ADCY9: variants seen among roughly 807,000 people sequenced by gnomAD.
ADCY9 encodes the protein adenylate cyclase type 9.
A neutral mutation model predicts 101.5 loss-of-function variants in ADCY9; 50 were observed. The ratio of observed to expected loss-of-function variants is 0.49; its 90% CI spans 0.39 to 0.62. The LOEUF (loss-of-function observed/expected upper bound fraction) is 0.62, where lower values mean the gene tolerates loss of function less well. Ranked by LOEUF, ADCY9 falls within the 20% of genes least tolerant of loss-of-function variation. The pLI is 0.00. For synonymous variants in ADCY9, 905 were observed against 769.3 expected (o/e 1.18, Z -2.92); for missense variants, 1,662 against 1,800.4 (o/e 0.92, Z 1.39).
In ADCY9 at chr16:4,015,094, T is replaced by C. The variant is rs184939206; in HGVS notation, c.1694-7536A>G. On this transcript the variant is annotated intron_variant, in intron 2 of 10. Transcript: ENST00000294016. ...AGCTGGGACTACAGGCACCCACCAC[T>C]ATGCCTGGCTAATTTTTTTTGTATT... 3.6e-3 allele frequency among the ~76,000 whole-genome samples: 540 copies of C among 151,740 alleles called. 3 individuals carry two copies. The highest frequency in any genetic ancestry group is 0.011 in the African/African-American group (472 of 41,378).
chr16:3,997,104 A>G (rs2056293180), intron 3 of ADCY9, among the ~76,000 whole-genome samples: 1 of 152,138 alleles, frequency 6.6e-6, no homozygotes, highest in Non-Finnish European at 1.5e-5. Flanking sequence ...GCCTCAAGTG[A>G]TCTGCCTGCC....
At position 4,005,802 on chromosome 16, in the gene ADCY9, T is replaced by C. The variant is rs552197116; in HGVS notation, c.1884+1566A>G. On this transcript the variant is annotated intron_variant, in intron 3 of 10. Transcript: ENST00000294016. ...AAAATGGCAAACACAACGAATTATA[T>C]ATTTTTGGCTCGGGGCTGTCTTTCA... Among the ~76,000 whole-genome samples the C allele has an allele frequency of 2.0e-5, 3 of 152,234 alleles. No homozygotes were observed. In the South Asian group the frequency reaches 6.2e-4, roughly 32 times the overall value.
intron 2 of ADCY9, among the ~76,000 whole-genome samples, chr16:4,039,875 C>T (rs894419779): frequency 3.3e-5 from 5 of 151,918 alleles, no homozygotes; most frequent in African/African-American, 9.7e-5. Flanking sequence ...CCCATCTCTA[C>T]GAAAAATGCA....
chr16:4,044,225 T>C (rs1311251260), intron 2 of ADCY9, among the ~76,000 whole-genome samples: 1 of 151,980 alleles, frequency 6.6e-6, no homozygotes, highest in Non-Finnish European at 1.5e-5. Flanking sequence ...TGTGTGCCTG[T>C]AATCCCAGCT....
chr16:4,065,703 G>A (rs1597204377), intron 2 of ADCY9, among the ~76,000 whole-genome samples: 1 of 152,188 alleles, frequency 6.6e-6, no homozygotes, highest in South Asian at 2.1e-4. Flanking sequence ...CGAACAGCTG[G>A]GATTACAGGC....
At chr16:4,094,140 A>C (rs2056989145) in intron 2 of ADCY9, among the ~76,000 whole-genome samples, 1 of 151,930 alleles carries the variant, frequency 6.6e-6, no homozygotes, top group African/African-American at 2.4e-5. Context: ...GTTCACTATG[A>C]AATGTGTGTT....
chr16:4,031,953 C>T (rs1301261133), intron 2 of ADCY9: 1 of 151,892 alleles, frequency 6.6e-6, no homozygotes, highest in African/African-American at 2.4e-5. Flanking sequence ...AAAAAACAGA[C>T]AAGCCAAACA....
intron 2 of ADCY9, among the ~76,000 whole-genome samples, chr16:4,050,570 C>T (rs896936076): frequency 6.6e-6 from 1 of 151,718 alleles, no homozygotes; most frequent in Non-Finnish European, 1.5e-5. Flanking sequence ...CAAAATTAGC[C>T]GGACGTGGTG....
At chr16:3,973,495 A>G (rs977725212) in intron 10 of ADCY9, among the ~76,000 whole-genome samples, 4 of 148,168 alleles carry the variant, frequency 2.7e-5, no homozygotes, top group African/African-American at 1.0e-4. Context: ...GCATGAGCCA[A>G]CGTGCCTGGC....
chr16:4,067,281 G>A (rs1005058457), intron 2 of ADCY9, among the ~76,000 whole-genome samples: 1 of 152,090 alleles, frequency 6.6e-6, no homozygotes, highest in Non-Finnish European at 1.5e-5. Flanking sequence ...TCTTAAAATC[G>A]TTAAACAGAT....
chr16:4,103,056 G>A (rs1286972921), intron 2 of ADCY9, among the ~76,000 whole-genome samples: 1 of 152,196 alleles, frequency 6.6e-6, no homozygotes, highest in Admixed American at 6.5e-5. Context: ...TTGAACATGA[G>A]CAACAAAGAT....
At chr16:3,961,730 TACTTA>T (rs758143886), downstream of ADCY9, among the ~76,000 whole-genome samples, 4 of 151,834 alleles carry the variant, frequency 2.6e-5, no homozygotes, top group African/African-American at 4.8e-5. Context: ...TGGTCATAAA[TACTTA>T]ACTTACCAGG....
At chr16:4,014,509 G>A (rs978698213) in intron 2 of ADCY9, among the ~76,000 whole-genome samples, 1 of 149,734 alleles carries the variant, frequency 6.7e-6, no homozygotes. Flanking sequence ...GCGTAGTGGC[G>A]CGATCTCAGC....
At chr16:4,080,731 T>TG (rs398028602) in intron 2 of ADCY9, among the ~76,000 whole-genome samples, 4 of 151,494 alleles carry the variant, frequency 2.6e-5, no homozygotes, top group African/African-American at 9.7e-5. Context: ...TTTTTTTTTT[T>TG]GTAAAAATAT....
intron 2 of ADCY9, among the ~76,000 whole-genome samples, chr16:4,045,535 C>G (rs1597188593): frequency 7.6e-6 from 1 of 132,430 alleles, no homozygotes; most frequent in Non-Finnish European, 1.5e-5. Context: ...GCTGAGGTTG[C>G]AGTGAGCTGA....
chr16:4,033,679 T>G (rs1398529141), intron 2 of ADCY9, among the ~76,000 whole-genome samples: 3 of 152,134 alleles, frequency 2.0e-5, no homozygotes, highest in African/African-American at 4.8e-5. Flanking sequence ...CCTCCCAAAG[T>G]GCTGGGATTA....
Position 3,966,885 on chromosome 16 carries a change from G to C in ADCY9, c.2952C>G (p.Leu984=). 3.7e-6 allele frequency: 6 copies of C among 1,614,106 alleles called. No homozygotes were observed. Among genetic ancestry groups the C allele is most frequent in the Non-Finnish European group, 4.2e-6 (5 of 1,180,050 alleles). ...CCAACAAGAGCAGGAGAAAGAAGAC[G>C]AGAACCACCTCCTGGCCGATGAGGC... ...PASLIGQEVV[L]VFFLLLLLVW... The change falls in exon 11 of 11, where the codon CTC becomes CTG. Residue 984 remains leucine, a synonymous_variant. Transcript: ENST00000294016.
At chr16:4,030,613 G>C (rs962779884) in intron 2 of ADCY9, among the ~76,000 whole-genome samples, 3 of 151,940 alleles carry the variant, frequency 2.0e-5, no homozygotes, top group Non-Finnish European at 4.4e-5. Flanking sequence ...TGAGGCAGGA[G>C]AATCACTTGA....
chr16:4,025,052 C>G (rs1019718320), intron 2 of ADCY9, among the ~76,000 whole-genome samples: 2 of 149,226 alleles, frequency 1.3e-5, no homozygotes, highest in African/African-American at 5.0e-5. Context: ...CAGCAGGGCT[C>G]TGAGGAGGGA....
Sources: allele counts gnomAD v4.1 joint callset (sites outside exome capture counted in the v4.1 genomes callset), GRCh38; gene constraint gnomAD v4.1.1; transcripts MANE v1.5; gene names NCBI Gene and HGNC (gene_info 2026-07-23, HGNC 2026-07-21).